MAPKAP1: variants seen among roughly 807,000 people sequenced by gnomAD.
The protein encoded by MAPKAP1 is MAPK associated protein 1.
MAPKAP1 carries 20 observed loss-of-function variants against 65.7 expected under a neutral mutation model. The ratio of observed to expected loss-of-function variants is 0.30; its 90% CI spans 0.21 to 0.44. The LOEUF is 0.44. Among genes scored for constraint, MAPKAP1 ranks in the 20% least tolerant of loss-of-function variants. The pLI is 1.00. For synonymous variants in MAPKAP1, 222 were observed against 244.3 expected (o/e 0.91, Z 0.85); for missense variants, 423 against 648.0 (o/e 0.65, Z 3.77).
chr9:125,537,262 G>A (rs1273397375), intron 7 of MAPKAP1, among the ~76,000 whole-genome samples: 1 of 152,132 alleles, frequency 6.6e-6, no homozygotes, highest in Non-Finnish European at 1.5e-5. Flanking sequence ...GTTACCATAG[G>A]TCCTTAATTC....
intron 8 of MAPKAP1, among the ~76,000 whole-genome samples, chr9:125,492,624 C>T (rs765721456): frequency 1.2e-4 from 18 of 152,134 alleles, no homozygotes; most frequent in African/African-American, 3.4e-4. Flanking sequence ...ATGAACTCAC[C>T]GTATATTACT....
Position 125,588,882 on chromosome 9 carries a change from A to C in MAPKAP1, c.499-3155T>G, listed in dbSNP as rs1411089237. On this transcript the variant is annotated intron_variant, in intron 4 of 11. Coordinates refer to ENST00000265960, the MANE Select transcript of MAPKAP1 (RefSeq NM_001006617.3). ...TAACATCATCCACTGCCACTCCTCC[A>C]CCTGCTCATCAGACTTCGGCTATAC... 2.6e-5 allele frequency among the ~76,000 whole-genome samples: 4 copies of C among 152,156 alleles called. No homozygotes were observed. The South Asian group carries it at 8.3e-4, about 32-fold the overall frequency.
At chr9:125,452,449 G>A (rs966687649) in intron 10 of MAPKAP1, among the ~76,000 whole-genome samples, 1 of 152,106 alleles carries the variant, frequency 6.6e-6, no homozygotes, top group Non-Finnish European at 1.5e-5. Context: ...TTAAAACTCT[G>A]CAGTGCTTCT....
chr9:125,654,193 C>T (rs1833968157), intron 4 of MAPKAP1, among the ~76,000 whole-genome samples: 1 of 152,194 alleles, frequency 6.6e-6, no homozygotes, highest in African/African-American at 2.4e-5. Context: ...AAAGCAACCT[C>T]TTGTCACAAC....
intron 10 of MAPKAP1, among the ~76,000 whole-genome samples, chr9:125,461,059 T>C (rs1331635995): frequency 2.6e-5 from 4 of 152,256 alleles, no homozygotes; most frequent in African/African-American, 9.6e-5. Context: ...TGGCCAATGC[T>C]ATCCAACTCT....
At chr9:125,630,388 G>A (rs374983363) in intron 4 of MAPKAP1, among the ~76,000 whole-genome samples, 58 of 151,988 alleles carry the variant, frequency 3.8e-4, no homozygotes, top group East Asian at 2.7e-3. Flanking sequence ...AGTCTCAGCC[G>A]CCCAAACTTC....
chr9:125,519,193 A>C (rs1454615684), intron 7 of MAPKAP1, among the ~76,000 whole-genome samples: 3 of 152,164 alleles, frequency 2.0e-5, no homozygotes, highest in Non-Finnish European at 4.4e-5. Flanking sequence ...TTGAGGAGCC[A>C]GGAACTAAAT....
intron 7 of MAPKAP1, chr9:125,521,733 G>A (rs755187343): frequency 6.2e-7 from 1 of 1,612,786 alleles, no homozygotes; most frequent in African/African-American, 1.3e-5. Flanking sequence ...AGCCTTGACA[G>A]CCAGTGAAAT....
Position 125,611,502 on chromosome 9 carries a change from G to A in MAPKAP1, c.499-25775C>T, listed in dbSNP as rs182667753. Among the ~76,000 whole-genome samples the A allele has an allele frequency of 6.6e-5, 10 of 152,266 alleles. 1 individual carries two copies. The highest frequency in any genetic ancestry group is 2.6e-4 in the Admixed American group (4 of 15,290). ...AAGAAGAGAAAAGAATAACTGGTTC[G>A]GAGGCAATGTCTGAAAAGACAGTGG... On this transcript the variant is annotated intron_variant, in intron 4 of 11. Coordinates refer to ENST00000265960, the MANE Select transcript of MAPKAP1 (RefSeq NM_001006617.3).
At chr9:125,513,232 A>G (rs1829360543) in intron 7 of MAPKAP1, 1 of 152,240 alleles carries the variant, frequency 6.6e-6, no homozygotes, top group African/African-American at 2.4e-5. Flanking sequence ...AAAATCTATT[A>G]TAATAATTCC....
chr9:125,634,867 A>AT (rs1407071156), intron 4 of MAPKAP1, among the ~76,000 whole-genome samples: 2 of 152,254 alleles, frequency 1.3e-5, no homozygotes, highest in African/African-American at 2.4e-5. Flanking sequence ...GACTGTCCCC[A>AT]TTTTTTTCAG....
At chr9:125,445,480 G>C (rs1213322628) in intron 10 of MAPKAP1, among the ~76,000 whole-genome samples, 1 of 152,356 alleles carries the variant, frequency 6.6e-6, no homozygotes, top group East Asian at 1.9e-4. Flanking sequence ...GCCTTCTTGG[G>C]TGAGTCTTCA....
intron 7 of MAPKAP1, chr9:125,512,755 T>G (rs191400488): frequency 6.6e-6 from 1 of 152,268 alleles, no homozygotes; most frequent in East Asian, 1.9e-4. Context: ...CTAATTTTTT[T>G]GTATTTTTTA....
intron 9 of MAPKAP1, among the ~76,000 whole-genome samples, chr9:125,473,314 G>C (rs1052757630): frequency 6.6e-6 from 1 of 152,140 alleles, no homozygotes; most frequent in Non-Finnish European, 1.5e-5. Flanking sequence ...AAACAAGGGA[G>C]GCAGTTTGTC....
At chr9:125,593,283 G>A (rs760599736) in intron 4 of MAPKAP1, among the ~76,000 whole-genome samples, 5 of 151,652 alleles carry the variant, frequency 3.3e-5, no homozygotes, top group Non-Finnish European at 7.4e-5. Context: ...CAACCTGGGT[G>A]ACAGAGTGAG....
chr9:125,693,047 T>C (rs1461001378), intron 1 of MAPKAP1, among the ~76,000 whole-genome samples: 4 of 152,168 alleles, frequency 2.6e-5, no homozygotes, highest in African/African-American at 4.8e-5. Flanking sequence ...CAGTTTCTCC[T>C]ACCAGAGCAC....
intron 10 of MAPKAP1, among the ~76,000 whole-genome samples, chr9:125,457,681 T>C (rs1452387440): frequency 6.6e-6 from 1 of 152,248 alleles, no homozygotes; most frequent in Non-Finnish European, 1.5e-5. Flanking sequence ...TTTAAGGTTT[T>C]TGCAAGGATT....
chr9:125,499,256 A>G (rs545585430), intron 8 of MAPKAP1, among the ~76,000 whole-genome samples: 7 of 152,352 alleles, frequency 4.6e-5, no homozygotes, highest in African/African-American at 1.7e-4. Context: ...AATCAAACAT[A>G]GTAACAGAAA....
At chr9:125,482,176 A>C (rs1472137071) in intron 9 of MAPKAP1, among the ~76,000 whole-genome samples, 1 of 150,628 alleles carries the variant, frequency 6.6e-6, no homozygotes, top group Non-Finnish European at 1.5e-5. Flanking sequence ...AAGTGTACAC[A>C]CAGAAAAAGT....
Sources: gnomAD v4.1 joint callset for allele counts (sites outside exome capture counted in the v4.1 genomes callset) on GRCh38, gnomAD v4.1.1 for gene constraint, MANE v1.5 for transcripts, NCBI Gene and HGNC (gene_info 2026-07-23, HGNC 2026-07-21) for gene names.